ZNF500: variants seen among roughly 807,000 people sequenced by gnomAD.
The protein encoded by ZNF500 is zinc finger protein with KRAB and SCAN domains 18.
ZNF500 carries 31 observed loss-of-function variants against 30.1 expected under a neutral mutation model. The ratio of observed to expected loss-of-function variants is 1.03; its 90% CI spans 0.77 to 1.39. ZNF500 has a LOEUF of 1.39. Ranked by LOEUF, ZNF500 falls within the 40% of genes most tolerant of loss-of-function variation. The pLI is 0.00. For missense variants in ZNF500, 817 were observed against 657.8 expected (o/e 1.24, Z -2.65); for synonymous variants, 392 against 282.0 (o/e 1.39, Z -3.91).
intron 4 of ZNF500, among the ~76,000 whole-genome samples, chr16:4,761,502 CACACACACACACACACACACACACAT>C (rs940411538): frequency 3.4e-5 from 5 of 149,036 alleles, no homozygotes; most frequent in African/African-American, 1.2e-4. Flanking sequence ...CACACACACA[CACACACACACACACACACACACACAT>C]ATAAAAATTA....
Position 4,762,575 on chromosome 16 carries a change from C to T in ZNF500, c.596G>A (p.Arg199Lys). Residue 199 changes from arginine to lysine, a missense_variant and splice_region_variant, in exon 3 of 6, where the codon AGA becomes AAA. By Grantham distance (26) the Arg-to-Lys change is conservative. Coordinates refer to ENST00000219478, the MANE Select transcript of ZNF500 (RefSeq NM_021646.4). ...PQRGPLLWPERGPPAPRHQEM... is the reference protein window; with the variant it reads ...PQRGPLLWPEKGPPAPRHQEM... ...TCCTCCAAAGGGGTGCTACTCACCT[C>T]TCTCTGGCCACAACAGCGGGCCCCT... is the stretch of plus-strand genomic sequence containing the variant. 1 of 1,611,860 alleles carries T rather than the reference C, an allele frequency of 6.2e-7. No homozygotes were observed. The highest frequency in any genetic ancestry group is 8.5e-7 in the Non-Finnish European group (1 of 1,179,004).
rs149420725 is a variant in ZNF500, at chr16:4,752,667, G to C, written c.1152C>G (p.Pro384=). 6.2e-7 allele frequency: 1 copy of C among 1,613,646 alleles called. No individual in the cohort carries two copies. The highest frequency in any genetic ancestry group is 8.5e-7 in the Non-Finnish European group (1 of 1,179,854). ...TCTGGCTGAAGCGCTTCCCACACTC[G>C]GGGCACGGGTAGGGCTTCTCGCCTG... ...VHTGEKPYPC[P]ECGKRFSQSS... Residue 384 remains proline (P), a synonymous_variant, in exon 6 of 6, where the codon CCC becomes CCG. Coordinates refer to ENST00000219478, the MANE Select transcript of ZNF500 (RefSeq NM_021646.4).
chr16:4,747,972 A>G (rs1310792590), downstream of ZNF500, among the ~76,000 whole-genome samples: 3 of 152,128 alleles, frequency 2.0e-5, no homozygotes, highest in African/African-American at 7.2e-5. Context: ...GCATTTTTTT[A>G]AACAGGCATC....
chr16:4,758,734 G>A (rs1244195917), intron 5 of ZNF500, among the ~76,000 whole-genome samples: 1 of 152,144 alleles, frequency 6.6e-6, no homozygotes, highest in African/African-American at 2.4e-5. Flanking sequence ...GAGAACCCCT[G>A]CTCTGGATGC....
intron 5 of ZNF500, chr16:4,753,294 C>G (rs1320440726): frequency 1.4e-6 from 1 of 709,154 alleles, no homozygotes; most frequent in African/African-American, 1.8e-5. Flanking sequence ...GATCTCGTCT[C>G]TACAGAAAAT....
chr16:4,761,645 A>G (rs1372950933), intron 4 of ZNF500, among the ~76,000 whole-genome samples: 1 of 151,764 alleles, frequency 6.6e-6, no homozygotes, highest in Non-Finnish European at 1.5e-5. Context: ...CAGGAGTTCA[A>G]GACCAGCCTA....
intron 2 of ZNF500, chr16:4,763,141 T>C: frequency 1.0e-6 from 1 of 985,118 alleles, no homozygotes; most frequent in Non-Finnish European, 1.2e-6. Flanking sequence ...CTCACACCTG[T>C]AATTCCAGCA....
At chr16:4,758,117 CG>C (rs2082157234) in intron 5 of ZNF500, among the ~76,000 whole-genome samples, 1 of 151,978 alleles carries the variant, frequency 6.6e-6, no homozygotes, top group African/African-American at 2.4e-5. Flanking sequence ...AGGCTGGACT[CG>C]AACTCCTGAC....
rs2082272030 is a variant in ZNF500, at chr16:4,767,120, G to C, written c.-202C>G. On this transcript the variant is annotated 5_prime_UTR_variant, in exon 1 of 6. Coordinates refer to ENST00000219478, the MANE Select transcript of ZNF500 (RefSeq NM_021646.4). ...AGGCTTGGCAGCCAGGGACGCCAGA[G>C]CCGGGGCCGAAGACCCTAAACCAGG... 6.6e-6 allele frequency: 1 copy of C among 152,354 alleles called. No individual in the cohort carries two copies. The highest frequency in any genetic ancestry group is 2.4e-5 in the African/African-American group (1 of 41,470). The allele number at this position is 152,354 out of a possible 1,614,324, so 9.4% of individuals were successfully genotyped here.
chr16:4,753,819 G>A (rs1359066356), intron 5 of ZNF500, among the ~76,000 whole-genome samples: 1 of 152,222 alleles, frequency 6.6e-6, no homozygotes, highest in South Asian at 2.1e-4. Context: ...TGGCCCAAAT[G>A]CCAGCAGCAC....
In ZNF500 at chr16:4,766,014, G is replaced by A. The variant is rs2082262023; in HGVS notation, c.-36C>T. On this transcript the variant is annotated 5_prime_UTR_variant, in exon 2 of 6. Coordinates refer to ENST00000219478, the MANE Select transcript of ZNF500 (RefSeq NM_021646.4). ...GGGCCTTGTTCCTTTTCAGGCCTTA[G>A]AGTTGAACCTGTCTCTCTCTATACC... The A allele has an allele frequency of 6.6e-7, 1 of 1,515,974 alleles. No individual in the cohort carries two copies. The highest frequency in any genetic ancestry group is 8.8e-7 in the Non-Finnish European group (1 of 1,139,668). 93.9% of individuals were successfully genotyped at this position (1,515,974 alleles called of 1,614,324 possible). A position where few individuals can be genotyped will look rare whatever the true frequency, so the allele number is the denominator to read the frequency against.
rs2082071310 is a variant in ZNF500, at chr16:4,750,954, GT to G, written c.*1421del. 1.3e-5 allele frequency: 2 copies of G among 152,238 alleles called. No homozygotes were observed. Among genetic ancestry groups the G allele is most frequent in the Non-Finnish European group, 2.9e-5 (2 of 68,184 alleles). The allele number at this position is 152,238 out of a possible 1,614,324, so 9.4% of individuals were successfully genotyped here. A position where few individuals can be genotyped will look rare whatever the true frequency, so the allele number is the denominator to read the frequency against. ...CGGCCTCTGACACTAAATAATGTCA[GT>G]TAAGGGAATGAGAAAAAGGGCAGGT... is the stretch of plus-strand genomic sequence containing the variant. On this transcript the variant is annotated 3_prime_UTR_variant, in exon 6 of 6. Coordinates refer to ENST00000219478, the MANE Select transcript of ZNF500 (RefSeq NM_021646.4).
rs1455521183 is a variant in ZNF500 at position 4,751,810 on chromosome 16, A to G, written c.*566T>C. The G allele has an allele frequency of 3.4e-6, 2 of 596,274 alleles. No individual in the cohort carries two copies. Among genetic ancestry groups the G allele is most frequent in the African/African-American group, 3.8e-5 (2 of 52,626 alleles). 36.9% of individuals were successfully genotyped at this position (596,274 alleles called of 1,614,324 possible). On this transcript the variant is annotated 3_prime_UTR_variant, in exon 6 of 6. Coordinates refer to ENST00000219478, the MANE Select transcript of ZNF500 (RefSeq NM_021646.4). ...GTAACCCCAGCTACTCAGGAGGATG[A>G]GGCAGGAGGAACACTTGAGCCCAGG...
chr16:4,747,037 G>A, downstream of ZNF500: 1 of 1,517,694 alleles, frequency 6.6e-7, no homozygotes, highest in Non-Finnish European at 8.8e-7. Context: ...TAACCACCCA[G>A]GGGCCTCTCG....
At chr16:4,747,778 G>A (rs749396205), downstream of ZNF500, 43 of 964,758 alleles carry the variant, frequency 4.5e-5, no homozygotes, top group Non-Finnish European at 6.2e-5. Flanking sequence ...TGCCCACCCT[G>A]TTAGAGCTCA....
chr16:4,751,403 C>T lies in ZNF500; in HGVS notation c.*973G>A, dbSNP rs1055787140. The T allele has an allele frequency of 3.7e-5, 23 of 626,042 alleles. No homozygotes were observed. The highest frequency in any genetic ancestry group is 5.4e-5 in the Non-Finnish European group (20 of 371,676). The allele number at this position is 626,042 out of a possible 1,614,324, so 38.8% of individuals were successfully genotyped here. ...CCCGGCCCTGGGGAGATGTCAGGCC[C>T]GTCACATCCCAGGCAACATGTCAGG... On this transcript the variant is annotated 3_prime_UTR_variant, in exon 6 of 6. Transcript: ENST00000219478.
rs1203157578 is a variant in ZNF500, at chr16:4,756,606, T to G, written c.761-3548A>C. ...ATCTCAGCTCACTGCAACCTCTGCC[T>G]CCTGGGTTCAAGCGATTCTCCTGCC... On this transcript the variant is annotated intron_variant, in intron 5 of 5. Coordinates refer to ENST00000219478, the MANE Select transcript of ZNF500 (RefSeq NM_021646.4). The G allele has an allele frequency of 4.6e-5, 7 of 152,158 alleles. No homozygotes were observed. In the East Asian group the frequency reaches 1.4e-3, roughly 30 times the overall value. The allele number at this position is 152,158 out of a possible 1,614,324, so 9.4% of individuals were successfully genotyped here.
downstream of ZNF500, chr16:4,744,827 G>T: frequency 6.3e-7 from 1 of 1,587,628 alleles, no homozygotes; most frequent in Non-Finnish European, 8.6e-7. Context: ...GTCACAAGTG[G>T]GCCAAGTCCC....
intron 5 of ZNF500, among the ~76,000 whole-genome samples, chr16:4,757,442 A>C (rs1400349460): frequency 6.6e-6 from 1 of 151,926 alleles, no homozygotes; most frequent in African/African-American, 2.4e-5. Context: ...CCTCTCAAGC[A>C]GCTGGGACTA....
Sources: allele counts gnomAD v4.1 joint callset (sites outside exome capture counted in the v4.1 genomes callset), GRCh38; gene constraint gnomAD v4.1.1; transcripts MANE v1.5; gene names NCBI Gene and HGNC (gene_info 2026-07-23, HGNC 2026-07-21).